CSNK1G3: variants seen among roughly 807,000 people sequenced by gnomAD.
CSNK1G3 encodes casein kinase 1 gamma 3, also known as casein kinase I isoform gamma-3.
CSNK1G3 carries 23 observed loss-of-function variants against 64.3 expected under a neutral mutation model. The observed-to-expected ratio is 0.36, with a 90% CI of 0.26 to 0.51. The LOEUF (loss-of-function observed/expected upper bound fraction) is 0.51. Ranked by LOEUF, CSNK1G3 falls within the 20% of genes least tolerant of loss-of-function variation. The probability of loss-of-function intolerance (pLI) is 0.96; values close to 1 mark genes in which losing one functional copy is unlikely to be tolerated. For synonymous variants in CSNK1G3, 158 were observed against 162.2 expected (o/e 0.97, Z 0.20); for missense variants, 357 against 510.5 (o/e 0.70, Z 2.90).
chr5:123,578,628 G>GT (rs1267500020), intron 6 of CSNK1G3, among the ~76,000 whole-genome samples: 1 of 151,736 alleles, frequency 6.6e-6, no homozygotes, highest in Non-Finnish European at 1.5e-5. Context: ...TAGTTTATCA[G>GT]TTTTTTTGTT....
intron 1 of CSNK1G3, among the ~76,000 whole-genome samples, chr5:123,529,010 CT>C: frequency 6.6e-6 from 1 of 152,284 alleles, no homozygotes; most frequent in African/African-American, 2.4e-5. Flanking sequence ...TATTTATTAA[CT>C]TTTTCCTGGT....
chr5:123,567,791 G>A (rs1202043187), intron 4 of CSNK1G3, among the ~76,000 whole-genome samples: 1 of 152,118 alleles, frequency 6.6e-6, no homozygotes, highest in Admixed American at 6.5e-5. Context: ...TGCAGTTGTG[G>A]GCTGTGAATT....
At chr5:123,547,246 C>T (rs1453531719) in intron 2 of CSNK1G3, among the ~76,000 whole-genome samples, 1 of 152,090 alleles carries the variant, frequency 6.6e-6, no homozygotes, top group Non-Finnish European at 1.5e-5. Context: ...ATTATTACCA[C>T]TTCCTAGGTT....
intron 11 of CSNK1G3, 128 bp downstream of exon 12, chr5:123,604,958 A>G (rs1795099231): frequency 3.1e-6 from 2 of 644,808 alleles, no homozygotes; most frequent in Non-Finnish European, 5.4e-6. Context: ...AACAAGTGGT[A>G]TGCTTAATTA....
chr5:123,536,346 A>G (rs1532613), intron 1 of CSNK1G3, among the ~76,000 whole-genome samples: 90,585 of 151,052 alleles, frequency 0.6, 28,339 homozygotes, highest in African/African-American at 0.78. Context: ...AAACATAAAT[A>G]AAAAGCTATA....
intron 1 of CSNK1G3, among the ~76,000 whole-genome samples, chr5:123,534,153 G>T (rs928781566): frequency 6.6e-6 from 1 of 151,972 alleles, no homozygotes; most frequent in African/African-American, 2.4e-5. Flanking sequence ...TAGAGCCCTT[G>T]TCATCAAATA....
intron 8 of CSNK1G3, among the ~76,000 whole-genome samples, chr5:123,589,230 GTAA>G (rs1180359359): frequency 6.6e-6 from 1 of 152,068 alleles, no homozygotes; most frequent in East Asian, 1.9e-4. Flanking sequence ...CGTTATTAAT[GTAA>G]TAATAATATT....
chr5:123,564,551 G>C (rs918048006), intron 4 of CSNK1G3, among the ~76,000 whole-genome samples: 2 of 152,082 alleles, frequency 1.3e-5, no homozygotes, highest in African/African-American at 4.8e-5. Flanking sequence ...AAGAATCATA[G>C]AGTCCATTTT....
At chr5:123,519,019 C>T (rs1777644982) in intron 1 of CSNK1G3, among the ~76,000 whole-genome samples, 2 of 152,032 alleles carry the variant, frequency 1.3e-5, no homozygotes, top group Admixed American at 1.3e-4. Flanking sequence ...CTTGGCCTCC[C>T]AAAGTGCTGG....
Position 123,512,576 on chromosome 5 carries a change from G to A in CSNK1G3, c.-248+6G>A, listed in dbSNP as rs1236961401. The A allele has an allele frequency of 6.6e-6, 1 of 150,856 alleles. No individual in the cohort carries two copies. Among genetic ancestry groups the A allele is most frequent in the African/African-American group, 2.4e-5 (1 of 41,220 alleles). 9.3% of individuals were successfully genotyped at this position (150,856 alleles called of 1,614,324 possible). A position where few individuals can be genotyped will look rare whatever the true frequency, so the allele number is the denominator to read the frequency against. The stretch of plus-strand genomic sequence containing the variant: ...CTCGCGGCCGCGCCTTTGAGGTAAA[G>A]CCCCCTGCGCGTAGGTGCTCCGCTG... On this transcript the variant is annotated splice_donor_region_variant and intron_variant, in intron 1 of 12. Coordinates refer to ENST00000345990, the Ensembl canonical transcript of CSNK1G3.
intron 1 of CSNK1G3, among the ~76,000 whole-genome samples, chr5:123,516,488 G>A (rs1777187720): frequency 6.6e-6 from 1 of 151,998 alleles, no homozygotes. Context: ...AAATGTTTGG[G>A]CTTCCCTTCT....
chr5:123,614,420 G>A (rs1561644023), exon 13 of CSNK1G3: 1 of 1,600,266 alleles, frequency 6.2e-7, no homozygotes, highest in East Asian at 2.3e-5. Flanking sequence ...CAGATCCTGG[G>A]GAGTTACTTA....
At chr5:123,577,424 G>C (rs1435428056) in intron 6 of CSNK1G3, among the ~76,000 whole-genome samples, 2 of 151,970 alleles carry the variant, frequency 1.3e-5, no homozygotes, top group Admixed American at 6.6e-5. Flanking sequence ...CACACACACA[G>C]AGACATACGT....
rs748633264 is a variant in CSNK1G3, at chr5:123,573,488, T to C, written c.385T>C (p.Leu129=). 1.5e-5 allele frequency: 25 copies of C among 1,613,764 alleles called. 1 individual carries two copies. The South Asian group carries it at 2.6e-4, about 17-fold the overall frequency. Residue 129 remains leucine, a synonymous_variant, in exon 5 of 13, where the codon TTG becomes CTG. Coordinates refer to ENST00000345990, the Ensembl canonical transcript of CSNK1G3. ...ACCTAGTTTGGAAGACTTGTTTGAC[T>C]TGTGTGACAGAACATTTTCTCTTAA... is the stretch of plus-strand genomic sequence containing the variant.
At chr5:123,590,664 A>T in intron 9 of CSNK1G3, 106 bp downstream of exon 9, 2 of 710,676 alleles carry the variant, frequency 2.8e-6, no homozygotes, top group Non-Finnish European at 4.2e-6. Flanking sequence ...GTTTTAAAGG[A>T]TTCATTTTAT....
intron 12 of CSNK1G3, among the ~76,000 whole-genome samples, chr5:123,610,220 A>C (rs1346032871): frequency 6.6e-6 from 1 of 152,114 alleles, no homozygotes; most frequent in Non-Finnish European, 1.5e-5. Flanking sequence ...TTTTTCTTTA[A>C]ATCAAGAGAT....
At chr5:123,605,223 C>CA in intron 11 of CSNK1G3, 116 bp from the exon 13 acceptor site, 2 of 865,024 alleles carry the variant, frequency 2.3e-6, no homozygotes, top group Non-Finnish European at 3.5e-6. Context: ...ATTATAACAA[C>CA]ATTGCTTGGA....
intron 1 of CSNK1G3, among the ~76,000 whole-genome samples, chr5:123,522,032 C>T (rs1778198611): frequency 6.6e-6 from 1 of 152,040 alleles, no homozygotes; most frequent in Non-Finnish European, 1.5e-5. Context: ...ACACTCTCAG[C>T]CCTTTAAAAA....
In CSNK1G3 at chr5:123,545,548, A is replaced by C; in HGVS notation, c.-116A>C. The C allele has an allele frequency of 1.3e-6, 1 of 761,832 alleles. No homozygotes were observed. The highest frequency in any genetic ancestry group is 2.0e-6 in the Non-Finnish European group (1 of 489,908). The allele number at this position is 761,832 out of a possible 1,614,324, so 47.2% of individuals were successfully genotyped here. ...TAATTGACTACCTACTGCAATTTGAATGTTAACATTACCCATCTGGTACAG... is the reference window on the plus strand; with the variant it reads ...TAATTGACTACCTACTGCAATTTGACTGTTAACATTACCCATCTGGTACAG... On this transcript the variant is annotated 5_prime_UTR_variant, in exon 2 of 13. The change abolishes an upstream ATG in the 5' untranslated region. Coordinates refer to ENST00000345990, the Ensembl canonical transcript of CSNK1G3.
Sources: gnomAD v4.1 joint callset for allele counts (sites outside exome capture counted in the v4.1 genomes callset) on GRCh38, gnomAD v4.1.1 for gene constraint, MANE v1.5 for transcripts, NCBI Gene and HGNC (gene_info 2026-07-23, HGNC 2026-07-21) for gene names.